RAD51B: variants seen among roughly 807,000 people sequenced by gnomAD.
RAD51B encodes the protein RAD51 paralog B.
RAD51B carries 38 observed loss-of-function variants against 42.2 expected under a neutral mutation model. The observed-to-expected ratio is 0.90, with a 90% CI of 0.70 to 1.18. RAD51B has a LOEUF of 1.18. RAD51B is among the 50% of genes most tolerant of loss of function. RAD51B has a pLI of 0.00. For synonymous variants in RAD51B, 154 were observed against 145.2 expected, an observed-to-expected ratio of 1.06 and a Z score of -0.43; for missense variants, 373 against 400.7, an observed-to-expected ratio of 0.93 and a Z score of 0.59.
intron 7 of RAD51B, among the ~76,000 whole-genome samples, chr14:68,287,859 C>A (rs2081442335): frequency 6.6e-6 from 1 of 152,092 alleles, no homozygotes; most frequent in African/African-American, 2.4e-5. Flanking sequence ...ACTACCTGTG[C>A]GTTATCCAGC....
At chr14:68,407,188 A>G (rs1056716858) in intron 8 of RAD51B, among the ~76,000 whole-genome samples, 1 of 152,230 alleles carries the variant, frequency 6.6e-6, no homozygotes, top group Admixed American at 6.5e-5. Context: ...TAAACTACAT[A>G]AAAGTATATA....
chr14:67,986,271 AG>A (rs1185252646), intron 7 of RAD51B, among the ~76,000 whole-genome samples: 1 of 152,258 alleles, frequency 6.6e-6, no homozygotes, highest in Non-Finnish European at 1.5e-5. Context: ...CCATGGGTTA[AG>A]GAGATGATTT....
At chr14:67,891,473 T>C (rs979255600) in intron 7 of RAD51B, among the ~76,000 whole-genome samples, 2 of 152,138 alleles carry the variant, frequency 1.3e-5, no homozygotes, top group Non-Finnish European at 2.9e-5. Context: ...AATCAAAATA[T>C]GTGCATTTTA....
At chr14:68,545,412 G>A (rs531881069) in intron 10 of RAD51B, 24 of 338,410 alleles carry the variant, frequency 7.1e-5, no homozygotes, top group South Asian at 2.7e-4. Context: ...CTTGCTTCAG[G>A]CTCTTCACAG....
chr14:68,666,653 G>C (rs1213224911), intron 11 of RAD51B, among the ~76,000 whole-genome samples: 3 of 151,958 alleles, frequency 2.0e-5, no homozygotes, highest in Non-Finnish European at 4.4e-5. Context: ...CACCCCTCTT[G>C]GTATGCTTAA....
In RAD51B at chr14:67,983,928, T is replaced by A. The variant is rs555014337; in HGVS notation, c.756+96724T>A. Among the ~76,000 whole-genome samples, 399 of 144,222 alleles carry A rather than the reference T, an allele frequency of 2.8e-3. 1 individual carries two copies. The highest frequency in any genetic ancestry group is 6.3e-3 in the Admixed American group (91 of 14,416). 94.6% of individuals were successfully genotyped at this position (144,222 alleles called of 152,430 possible). On this transcript the variant is annotated intron_variant, in intron 7 of 10. Coordinates refer to ENST00000471583, the MANE Select transcript of RAD51B (RefSeq NM_133510.4). ...AAGCAGAAAAATCAGACAGGGCTGGTTTTTTTTTTTTCTTTCTTTCTTTTT... is the reference window on the plus strand; with the variant it reads ...AAGCAGAAAAATCAGACAGGGCTGGATTTTTTTTTTTCTTTCTTTCTTTTT...
At chr14:68,042,819 A>T (rs2076238544) in intron 7 of RAD51B, among the ~76,000 whole-genome samples, 3 of 152,246 alleles carry the variant, frequency 2.0e-5, no homozygotes, top group South Asian at 4.1e-4. Flanking sequence ...GGCTTAAAAA[A>T]TTTTAACAAG....
chr14:68,424,525 C>G lies in RAD51B; in HGVS notation c.957+12998C>G, dbSNP rs572913233. On this transcript the variant is annotated intron_variant, in intron 9 of 10. Transcript: ENST00000471583. Reference sequence around the variant, plus strand: ...TGTAACTATTTATGCAGTGTTCTCTCCAGATATACTGTTCCATACTGACCT... The same window carrying G: ...TGTAACTATTTATGCAGTGTTCTCTGCAGATATACTGTTCCATACTGACCT... Among the ~76,000 whole-genome samples the G allele has an allele frequency of 3.3e-5, 5 of 152,294 alleles. No individual in the cohort carries two copies. In the South Asian group the frequency reaches 6.2e-4, roughly 19 times the overall value.
chr14:68,280,493 C>G (rs1304583439), intron 7 of RAD51B, among the ~76,000 whole-genome samples: 5 of 152,146 alleles, frequency 3.3e-5, no homozygotes, highest in African/African-American at 1.2e-4. Flanking sequence ...CCTCAGTTTC[C>G]TCATCTTTAC....
chr14:68,410,220 A>G (rs1379561555), intron 8 of RAD51B, among the ~76,000 whole-genome samples: 1 of 152,182 alleles, frequency 6.6e-6, no homozygotes, highest in Non-Finnish European at 1.5e-5. Flanking sequence ...AGAACCACTG[A>G]ACTACATTTG....
At chr14:68,103,582 A>G (rs2077327183) in intron 7 of RAD51B, among the ~76,000 whole-genome samples, 2 of 152,190 alleles carry the variant, frequency 1.3e-5, no homozygotes, top group African/African-American at 4.8e-5. Flanking sequence ...TATAATGTTT[A>G]TGTCTGCACC....
chr14:68,001,350 A>G (rs1382213783), intron 7 of RAD51B, among the ~76,000 whole-genome samples: 1 of 152,042 alleles, frequency 6.6e-6, no homozygotes. Flanking sequence ...ACTCCAATAT[A>G]TCATTTTTCA....
intron 8 of RAD51B, among the ~76,000 whole-genome samples, chr14:68,345,274 G>T (rs936862557): frequency 1.3e-5 from 2 of 152,090 alleles, no homozygotes; most frequent in Non-Finnish European, 2.9e-5. Flanking sequence ...CATGAGATTT[G>T]GGGAGCTAGA....
downstream of RAD51B, among the ~76,000 whole-genome samples, chr14:68,599,266 G>A (rs1021053408): frequency 1.1e-4 from 17 of 152,166 alleles, no homozygotes; most frequent in African/African-American, 3.9e-4. Context: ...AACATACTAC[G>A]TGCTGGACGT....
chr14:68,099,898 C>T (rs1322173599), intron 7 of RAD51B, among the ~76,000 whole-genome samples: 5 of 152,146 alleles, frequency 3.3e-5, no homozygotes, highest in African/African-American at 9.7e-5. Context: ...CTGAGGAAAA[C>T]CGATTAAATC....
At chr14:68,577,670 C>A (rs1038324670) in intron 10 of RAD51B, among the ~76,000 whole-genome samples, 2 of 152,130 alleles carry the variant, frequency 1.3e-5, no homozygotes, top group Non-Finnish European at 2.9e-5. Context: ...TCCCAGCGCG[C>A]CCAGCCCCTG....
At chr14:68,303,457 T>TA (rs58955054) in intron 8 of RAD51B, among the ~76,000 whole-genome samples, 168 of 138,732 alleles carry the variant, frequency 1.2e-3, no homozygotes, top group Non-Finnish European at 1.0e-3. Context: ...TAAAGTATAA[T>TA]AAAAAAAAAA....
chr14:68,375,364 G>A (rs1489786170), intron 8 of RAD51B, among the ~76,000 whole-genome samples: 1 of 152,100 alleles, frequency 6.6e-6, no homozygotes, highest in East Asian at 1.9e-4. Flanking sequence ...AGGTTTTGAA[G>A]GCTTGAGTCT....
chr14:68,573,126 G>A (rs576724953), intron 10 of RAD51B, among the ~76,000 whole-genome samples: 2 of 152,276 alleles, frequency 1.3e-5, no homozygotes, highest in East Asian at 1.9e-4. Flanking sequence ...AGGGTGAACT[G>A]TATGTACAAT....
Sources: gnomAD v4.1 joint callset for allele counts (sites outside exome capture counted in the v4.1 genomes callset) on GRCh38, gnomAD v4.1.1 for gene constraint, MANE v1.5 for transcripts, NCBI Gene and HGNC (gene_info 2026-07-23, HGNC 2026-07-21) for gene names.